RASGEF1B: variants seen among roughly 807,000 people sequenced by gnomAD.
RASGEF1B encodes ras-GEF domain-containing family member 1B.
A neutral mutation model predicts 65.7 loss-of-function variants in RASGEF1B; 30 were observed. The ratio of observed to expected loss-of-function variants is 0.46; its 90% CI spans 0.34 to 0.62. RASGEF1B has a LOEUF of 0.62. Among genes scored for constraint, RASGEF1B ranks in the 20% least tolerant of loss-of-function variants. The pLI is 0.01. For missense variants in RASGEF1B, 495 were observed against 580.1 expected (o/e 0.85, Z 1.51); for synonymous variants, 175 against 194.8 (o/e 0.90, Z 0.85).
At chr4:81,456,898 G>T in intron 3 of RASGEF1B, 110 bp from the exon 4 acceptor site, 4 of 980,816 alleles carry the variant, frequency 4.1e-6, no homozygotes, top group Non-Finnish European at 6.0e-6. Context: ...AGTCTTTAGG[G>T]ATGAAGAAGA....
intron 4 of RASGEF1B, chr4:81,452,331 A>G (rs1378390874): frequency 6.6e-6 from 1 of 152,228 alleles, no homozygotes; most frequent in Non-Finnish European, 1.5e-5. Context: ...GCTGGTCTTG[A>G]ACTCCCGACT....
At position 81,434,686 on chromosome 4, in the gene RASGEF1B, T is replaced by C; in HGVS notation, c.1153A>G (p.Asn385Asp). The change falls in exon 11 of 14, where the codon AAT becomes GAT. Residue 385 changes from asparagine to aspartate, a missense_variant. By Grantham distance (23) the Asn-to-Asp change is conservative. Transcript: ENST00000264400. ...SLLIKDIYFLNEGCANRLPNG... is the reference protein window; with the variant it reads ...SLLIKDIYFLDEGCANRLPNG... ...GGAAGGCGGTTGGCACAACCCTCAT[T>C]GAGGAAATAAATATCTTTGATTAAG... The C allele has an allele frequency of 6.2e-7, 1 of 1,606,966 alleles. No individual in the cohort carries two copies. The highest frequency in any genetic ancestry group is 8.5e-7 in the Non-Finnish European group (1 of 1,173,624).
rs544090501 is a variant in RASGEF1B, at chr4:81,466,486, G to A, written c.-7+5284C>T. On this transcript the variant is annotated intron_variant, in intron 1 of 13. Transcript: ENST00000264400. ...TTTGAAAACGTCAAGATTGCCAGGC[G>A]CGGTGGCTCACGCCTGTAATCCCAG... 2.1e-4 allele frequency among the ~76,000 whole-genome samples: 32 copies of A among 152,084 alleles called. No homozygotes were observed. In the South Asian group the frequency reaches 5.2e-3, roughly 25 times the overall value.
chr4:81,448,155 T>C lies in RASGEF1B; in HGVS notation c.568A>G (p.Thr190Ala). ...TCCCTTTGTATAGACTGTGGCTTGG[T>C]CTTGAGAACTGTGAGCCGATCTGTG... ...TSTDRLTVLK[T>A]KPQSIQRDII... The change falls in exon 5 of 14, where the codon ACC becomes GCC. Residue 190 changes from threonine (T) to alanine (A), a missense_variant. By Grantham distance (58) the Thr-to-Ala change is moderately conservative (BLOSUM62 0). Transcript: ENST00000264400. The C allele has an allele frequency of 1.2e-6, 2 of 1,614,100 alleles. No individual in the cohort carries two copies. The highest frequency in any genetic ancestry group is 1.7e-6 in the Non-Finnish European group (2 of 1,180,002).
chr4:81,454,167 G>T (rs1481033356), intron 4 of RASGEF1B: 2 of 152,116 alleles, frequency 1.3e-5, no homozygotes, highest in African/African-American at 4.8e-5. Context: ...CCTTCTCTCT[G>T]TTCTACCCAG....
intron 6 of RASGEF1B, among the ~76,000 whole-genome samples, chr4:81,446,169 G>A (rs1383352245): frequency 6.6e-6 from 1 of 152,240 alleles, no homozygotes; most frequent in Non-Finnish European, 1.5e-5. Flanking sequence ...GAGGTCAGGA[G>A]TTCGAGATCA....
At chr4:81,454,454 C>G (rs767834876) in intron 4 of RASGEF1B, 6 of 152,184 alleles carry the variant, frequency 3.9e-5, no homozygotes, top group Non-Finnish European at 8.8e-5. Context: ...TGACTTAGGT[C>G]TCAGCCTTCA....
At chr4:81,428,140 T>A (rs1001019557) in intron 13 of RASGEF1B, among the ~76,000 whole-genome samples, 1 of 152,206 alleles carries the variant, frequency 6.6e-6, no homozygotes, top group African/African-American at 2.4e-5. Context: ...TTGGTAGATA[T>A]AAGCATCTTC....
rs1721662804 is a variant in RASGEF1B, at chr4:81,437,269, G to A, written c.1105-2535C>T. On this transcript the variant is annotated intron_variant, in intron 10 of 13. Transcript: ENST00000264400. The stretch of plus-strand genomic sequence containing the variant: ...TAAAAAAATAATAATATTTCAAGAT[G>A]CATGAAAATTATATGAAATTCAAAT... 2.0e-5 allele frequency among the ~76,000 whole-genome samples: 3 copies of A among 152,082 alleles called. No homozygotes were observed. The South Asian group carries it at 6.2e-4, about 32-fold the overall frequency.
chr4:81,439,656 T>A (rs1422028309), intron 10 of RASGEF1B, among the ~76,000 whole-genome samples: 1 of 152,150 alleles, frequency 6.6e-6, no homozygotes, highest in African/African-American at 2.4e-5. Flanking sequence ...TACTTACTCT[T>A]CAGTGTACTG....
intron 10 of RASGEF1B, among the ~76,000 whole-genome samples, chr4:81,437,207 G>T (rs1296745295): frequency 6.6e-6 from 1 of 152,094 alleles, no homozygotes; most frequent in Non-Finnish European, 1.5e-5. Flanking sequence ...TATTGCCTAG[G>T]AGTCACACAT....
At chr4:81,429,523 G>A (rs1721343360) in intron 13 of RASGEF1B, among the ~76,000 whole-genome samples, 1 of 152,130 alleles carries the variant, frequency 6.6e-6, no homozygotes. Flanking sequence ...ACCTAGGTGA[G>A]GACAGACATT....
At chr4:81,467,361 C>T (rs1722875618) in intron 1 of RASGEF1B, among the ~76,000 whole-genome samples, 1 of 152,076 alleles carries the variant, frequency 6.6e-6, no homozygotes. Context: ...GATTTGTCAT[C>T]TTTTGTCTTG....
At chr4:81,466,118 C>A (rs1722795272) in intron 1 of RASGEF1B, among the ~76,000 whole-genome samples, 1 of 152,038 alleles carries the variant, frequency 6.6e-6, no homozygotes, top group Admixed American at 6.6e-5. Flanking sequence ...ACTTTGAAAG[C>A]ATATTTGTTT....
rs1038901052 is a variant in RASGEF1B at position 81,448,079 on chromosome 4, T to C, written c.644A>G (p.His215Arg). The part of the protein sequence containing the change: ...DPYTLAQQLT[H>R]IELERLNYIG... Reference sequence around the variant, plus strand: ...TGATAACGGCCTTACCAGCTCTATATGAGTCAGCTGCTGGGCCAACGTGTA... The same window carrying C: ...TGATAACGGCCTTACCAGCTCTATACGAGTCAGCTGCTGGGCCAACGTGTA... Residue 215 changes from histidine to arginine, a missense_variant, in exon 5 of 14, where the codon CAT (histidine) becomes CGT (arginine). Physicochemically the swap from His to Arg is conservative, Grantham distance 29. Transcript: ENST00000264400. The C allele has an allele frequency of 2.5e-6, 4 of 1,613,270 alleles. No individual in the cohort carries two copies. In the South Asian group the frequency reaches 4.4e-5, roughly 18 times the overall value.
At chr4:81,453,064 C>G (rs1215908351) in intron 4 of RASGEF1B, 1 of 151,776 alleles carries the variant, frequency 6.6e-6, no homozygotes, top group African/African-American at 2.4e-5. Context: ...ACCCATATTC[C>G]TTCCAATAGA....
chr4:81,457,505 A>C lies in RASGEF1B; in HGVS notation c.294T>G (p.Ser98Arg), dbSNP rs1484853224. 6.2e-7 allele frequency: 1 copy of C among 1,613,804 alleles called. No individual in the cohort carries two copies. Among genetic ancestry groups the C allele is most frequent in the Non-Finnish European group, 8.5e-7 (1 of 1,179,970 alleles). ...VEHQRLSDPD[S>R]DKNQMRKIAP... Reference sequence around the variant, plus strand: ...AATTGTAATGTACCATTACCTTATCACTATCAGGATCACTTAGTCTCTGGT... The same window carrying C: ...AATTGTAATGTACCATTACCTTATCCCTATCAGGATCACTTAGTCTCTGGT... The change falls in exon 3 of 14, where the codon AGT becomes AGG. Residue 98 changes from serine to arginine, a missense_variant. Transcript: ENST00000264400.
chr4:81,457,985 T>C (rs1722506511), intron 2 of RASGEF1B, among the ~76,000 whole-genome samples: 1 of 152,158 alleles, frequency 6.6e-6, no homozygotes, highest in Non-Finnish European at 1.5e-5. Context: ...ATACTACCCA[T>C]ACAAAACATG....
Position 81,427,497 on chromosome 4 carries a change from A to G in RASGEF1B, c.*271T>C. ...TTCACATGGAAATTCCAGGAGATGA[A>G]TAATGTGCAGAGCCGGGATTTTTAG... On this transcript the variant is annotated 3_prime_UTR_variant, in exon 14 of 14. Coordinates refer to ENST00000264400, the MANE Select transcript of RASGEF1B (RefSeq NM_152545.3). 2.4e-6 allele frequency: 1 copy of G among 425,032 alleles called. No individual in the cohort carries two copies. The highest frequency in any genetic ancestry group is 3.7e-5 in the East Asian group (1 of 27,104). 26.3% of individuals were successfully genotyped at this position (425,032 alleles called of 1,614,324 possible). A position where few individuals can be genotyped will look rare whatever the true frequency, so the allele number is the denominator to read the frequency against.
Sources: gnomAD v4.1 joint callset for allele counts (sites outside exome capture counted in the v4.1 genomes callset) on GRCh38, gnomAD v4.1.1 for gene constraint, MANE v1.5 for transcripts, NCBI Gene and HGNC (gene_info 2026-07-23, HGNC 2026-07-21) for gene names.